PRCD: variants seen among roughly 807,000 people sequenced by gnomAD.
PRCD encodes photoreceptor disc component.
A neutral mutation model predicts 10.1 loss-of-function variants in PRCD; 12 were observed. The ratio of observed to expected loss-of-function variants is 1.18; its 90% CI spans 0.76 to 1.92. The LOEUF is 1.92. PRCD is among the 40% of genes most tolerant of loss of function. PRCD has a pLI of 0.00. For synonymous variants in PRCD, 31 were observed against 26.2 expected, an observed-to-expected ratio of 1.18 and a Z score of -0.56; for missense variants, 61 against 72.2, an observed-to-expected ratio of 0.84 and a Z score of 0.56.
At chr17:76,547,905 A>G (rs994572657), downstream of PRCD, among the ~76,000 whole-genome samples, 6 of 129,686 alleles carry the variant, frequency 4.6e-5, no homozygotes, top group Non-Finnish European at 9.3e-5. Flanking sequence ...AGACACACAT[A>G]ACACATTCAC....
chr17:76,529,041 T>TGGGGGGGGGGGGGGGGGGGGGGG, intron 1 of PRCD: 10 of 834,210 alleles, frequency 1.2e-5, no homozygotes, highest in East Asian at 4.1e-4. Flanking sequence ...CTGCAGTCAT[T>TGGGGGGGGGGGGGGGGGGGGGGG]GCGCCCCCCC....
chr17:76,542,715 G>T (rs1274516532), intron 3 of PRCD, 82 bp downstream of exon 3: 1 of 867,498 alleles, frequency 1.2e-6, no homozygotes, highest in Non-Finnish European at 1.9e-6. Context: ...CCGGCCATGT[G>T]GGAGGATAGC....
At chr17:76,537,544 A>C (rs2143123368), upstream of PRCD, 1 of 1,516,544 alleles carries the variant, frequency 6.6e-7, no homozygotes, top group East Asian at 2.8e-5. Context: ...TTTCTCCATG[A>C]GCAGCTCCAA....
At chr17:76,539,339 TATAG>T (rs2074959660), upstream of PRCD, among the ~76,000 whole-genome samples, 2 of 152,202 alleles carry the variant, frequency 1.3e-5, no homozygotes, top group Non-Finnish European at 2.9e-5. Flanking sequence ...GCAAATGTAA[TATAG>T]TCGTATGGTG....
chr17:76,545,227 C>G lies in PRCD; in HGVS notation c.*1577C>G, dbSNP rs994718453. 6.6e-6 allele frequency: 3 copies of G among 456,666 alleles called. No individual in the cohort carries two copies. Among genetic ancestry groups the G allele is most frequent in the Admixed American group, 4.7e-5 (2 of 42,570 alleles). The allele number at this position is 456,666 out of a possible 1,614,324, so 28.3% of individuals were successfully genotyped here. On this transcript the variant is annotated 3_prime_UTR_variant, in exon 5 of 5. Transcript: ENST00000592014. ...TGCAGCTCCTGCTGCAGAAAGTTAC[C>G]TCTCTCAGCCTAGAGCTCCCCACAG...
At chr17:76,527,710 G>A (rs1195894726), upstream of PRCD, 1 of 454,030 alleles carries the variant, frequency 2.2e-6, no homozygotes, top group South Asian at 1.6e-5. Flanking sequence ...CGGATCCCCC[G>A]GGGCTGCCCT....
At position 76,542,627 on chromosome 17, in the gene PRCD, C is replaced by T. The variant is rs1782693797; in HGVS notation, c.*53C>T. On this transcript the variant is annotated 3_prime_UTR_variant, in exon 3 of 5. Coordinates refer to ENST00000592014, the MANE Select transcript of PRCD (RefSeq NM_001077620.3). ...GCCCAGAGACTGGGATCAGCTGGCT[C>T]AGGCAGGTAGGGCAGGGCTGGGAGC... is the stretch of plus-strand genomic sequence containing the variant. The T allele has an allele frequency of 1.2e-6, 2 of 1,609,634 alleles. No homozygotes were observed. Among genetic ancestry groups the T allele is most frequent in the Non-Finnish European group, 1.7e-6 (2 of 1,175,940 alleles).
At chr17:76,539,324 CCTTTG>C (rs2074959440), upstream of PRCD, among the ~76,000 whole-genome samples, 2 of 152,208 alleles carry the variant, frequency 1.3e-5, no homozygotes, top group Non-Finnish European at 2.9e-5. Flanking sequence ...TTCATCTCAT[CCTTTG>C]CAAATGTAAT....
rs911463544 is a variant in PRCD at position 76,528,828 on chromosome 17, C to T, written n.45+995C>T. ...CAAGTCTACTGGCCCATGGGAGCTC[C>T]GGATCTTTTTCTCTAAAATGTGAAT... On this transcript the variant is annotated intron_variant and non_coding_transcript_variant, in intron 1 of 4. Coordinates refer to the PRCD transcript ENST00000397633. The surrounding 1 kb of genome is among the most constrained non-coding windows in gnomAD (Gnocchi z 5.8). 9 of 1,186,536 alleles carry T rather than the reference C, an allele frequency of 7.6e-6. No homozygotes were observed. The highest frequency in any genetic ancestry group is 1.6e-5 in the African/African-American group (1 of 63,510). The allele number at this position is 1,186,536 out of a possible 1,614,324, so 73.5% of individuals were successfully genotyped here. A position where few individuals can be genotyped will look rare whatever the true frequency, so the allele number is the denominator to read the frequency against.
At position 76,531,600 on chromosome 17, in the gene PRCD, G is replaced by C; in HGVS notation, n.45+3767G>C. 1 of 1,613,822 alleles carries C rather than the reference G, an allele frequency of 6.2e-7. No individual in the cohort carries two copies. The highest frequency in any genetic ancestry group is 8.5e-7 in the Non-Finnish European group (1 of 1,179,724). ...CCCATGACTCGGCAGGCGTGCTTCCGCAGCTGGGGGCTCCGCTCCATCTCC... is the reference window on the plus strand; with the variant it reads ...CCCATGACTCGGCAGGCGTGCTTCCCCAGCTGGGGGCTCCGCTCCATCTCC... On this transcript the variant is annotated intron_variant and non_coding_transcript_variant, in intron 1 of 4. Transcript: ENST00000397633. The surrounding 1 kb of genome is among the most constrained non-coding windows in gnomAD (Gnocchi z 7.4).
At chr17:76,534,128 T>TTCTC (rs1436503180) in intron 1 of PRCD, among the ~76,000 whole-genome samples, 1 of 133,302 alleles carries the variant, frequency 7.5e-6, no homozygotes, top group African/African-American at 2.6e-5. Context: ...CTTTCTTTCT[T>TTCTC]TCTCTCTCTC....
In PRCD at chr17:76,530,498, C is replaced by A. The variant is rs1283563756; in HGVS notation, n.45+2665C>A. The stretch of plus-strand genomic sequence containing the variant: ...GGGGTGTGTGTGTGTGTGTATGTGT[C>A]CTCGTGATCCTCCGGGCTCTAGCCC... On this transcript the variant is annotated intron_variant and non_coding_transcript_variant, in intron 1 of 4. Coordinates refer to the PRCD transcript ENST00000397633. The surrounding 1 kb of genome is among the most constrained non-coding windows in gnomAD (Gnocchi z 6.1). Among the ~76,000 whole-genome samples, 1 of 152,138 alleles carries A rather than the reference C, an allele frequency of 6.6e-6. No individual in the cohort carries two copies. Among genetic ancestry groups the A allele is most frequent in the Non-Finnish European group, 1.5e-5 (1 of 68,010 alleles).
chr17:76,539,118 TGGAG>T (rs943369865), upstream of PRCD, among the ~76,000 whole-genome samples: 13 of 152,088 alleles, frequency 8.5e-5, no homozygotes, highest in African/African-American at 3.1e-4. Flanking sequence ...CTGGGGGTCT[TGGAG>T]GGGCTGGAGG....
Position 76,528,419 on chromosome 17 carries a change from A to T in PRCD, n.45+586A>T. ...GCCAGCGCCGCCTCCCAGCAGCTCC[A>T]GGGGGGGACCCTGGCCGCCACAGAG... On this transcript the variant is annotated intron_variant and non_coding_transcript_variant, in intron 1 of 4. Coordinates refer to the PRCD transcript ENST00000397633. This position sits in a 1 kb window ranked among gnomAD's most constrained non-coding sequence, Gnocchi z 5.8. 1 of 632,838 alleles carries T rather than the reference A, an allele frequency of 1.6e-6. No homozygotes were observed. Among genetic ancestry groups the T allele is most frequent in the Non-Finnish European group, 2.3e-6 (1 of 432,632 alleles). 39.2% of individuals were successfully genotyped at this position (632,838 alleles called of 1,614,324 possible).
At chr17:76,529,081 C>G in intron 1 of PRCD, 2 of 955,228 alleles carry the variant, frequency 2.1e-6, no homozygotes, top group Non-Finnish European at 2.5e-6. Flanking sequence ...AAGGCGCACA[C>G]CCTGGAGCAG....
Position 76,531,375 on chromosome 17 carries a change from C to G in PRCD, n.45+3542C>G. On this transcript the variant is annotated intron_variant and non_coding_transcript_variant, in intron 1 of 4. Coordinates refer to the PRCD transcript ENST00000397633. The surrounding 1 kb of genome is among the most constrained non-coding windows in gnomAD (Gnocchi z 7.4). ...CACTCCGGGGATCACCTCTGTTGCT[C>G]CAGAGAGCCGTCGCAGAGCCTGCGA... 2.0e-6 allele frequency: 3 copies of G among 1,497,012 alleles called. No homozygotes were observed. Among genetic ancestry groups the G allele is most frequent in the Non-Finnish European group, 2.7e-6 (3 of 1,097,956 alleles). The allele number at this position is 1,497,012 out of a possible 1,614,324, so 92.7% of individuals were successfully genotyped here.
intron 1 of PRCD, chr17:76,529,006 G>T: frequency 1.0e-6 from 1 of 996,826 alleles, no homozygotes; most frequent in Non-Finnish European, 1.2e-6. Flanking sequence ...CTGTATTCTC[G>T]TATTCTCGGT....
chr17:76,541,134 G>C (rs558257647), intron 2 of PRCD, among the ~76,000 whole-genome samples: 11 of 152,320 alleles, frequency 7.2e-5, no homozygotes, highest in East Asian at 3.9e-4. Flanking sequence ...TGGTCTTTAG[G>C]GGGTGAAGTT....
In PRCD at chr17:76,540,253, GGGGGGGGGGGCAT is replaced by G; in HGVS notation, c.74+43_74+55del. On this transcript the variant is annotated intron_variant, in intron 1 of 4. Transcript: ENST00000592014. This position sits in a 1 kb window ranked among gnomAD's most constrained non-coding sequence, Gnocchi z 5.0. ...CCGGGCTATGGCTGGCGGTTGGTCG[GGGGGGGGGGGCAT>G]GGGGCTGGGCTGCCACCAAGCTGAA... 9.5e-7 allele frequency: 1 copy of G among 1,048,424 alleles called. No homozygotes were observed. Among genetic ancestry groups the G allele is most frequent in the Non-Finnish European group, 1.4e-6 (1 of 706,764 alleles). 64.9% of individuals were successfully genotyped at this position (1,048,424 alleles called of 1,614,324 possible).
Sources: gnomAD v4.1 joint callset for allele counts (sites outside exome capture counted in the v4.1 genomes callset) on GRCh38, gnomAD v4.1.1 for gene constraint, Gnocchi (gnomAD v3.1) non-coding constraint, MANE v1.5 for transcripts, NCBI Gene and HGNC (gene_info 2026-07-23, HGNC 2026-07-21) for gene names.